The following COBL variants were observed in gnomAD, a reference collection of about 807,000 sequenced individuals.
The protein encoded by COBL is protein cordon-bleu.
Under a neutral mutation model 98.8 loss-of-function variants are expected in COBL, and 51 were observed. The observed-to-expected ratio is 0.52, with a 90% CI of 0.41 to 0.65. COBL has a LOEUF of 0.65. Among genes scored for constraint, COBL ranks in the 30% least tolerant of loss-of-function variants. The probability of loss-of-function intolerance (pLI) is 0.00; values close to 1 mark genes in which losing one functional copy is unlikely to be tolerated. For synonymous variants in COBL, 634 were observed against 651.7 expected (o/e 0.97, Z 0.41); for missense variants, 1,617 against 1,617.5 (o/e 1.00, Z 0.01).
At chr7:51,164,451 A>G (rs182298501) in intron 5 of COBL, among the ~76,000 whole-genome samples, 1 of 152,292 alleles carries the variant, frequency 6.6e-6, no homozygotes, top group East Asian at 1.9e-4. Context: ...ACAGGCCAGG[A>G]GAGAGTGACA....
At position 51,028,429 on chromosome 7, in the gene COBL, G is replaced by T. The variant is rs893615258; in HGVS notation, c.2667C>A (p.His889Gln). 11 of 1,614,126 alleles carry T rather than the reference G, an allele frequency of 6.8e-6. No homozygotes were observed. The highest frequency in any genetic ancestry group is 3.3e-4 in the Middle Eastern group (2 of 6,084). Residue 889 changes from histidine (H) to glutamine (Q), a missense_variant, in exon 10 of 13, where the codon CAC becomes CAA. Physicochemically the swap from His to Gln is conservative, Grantham distance 24 (BLOSUM62 0). Coordinates refer to ENST00000265136, the MANE Select transcript of COBL (RefSeq NM_015198.5). ...PKVHADVVRP[H>Q]GYAEKGYAGK... ...CTGCATAACCCTTCTCGGCATAACC[G>T]TGTGGCCTCACCACATCAGCATGGA... is the stretch of plus-strand genomic sequence containing the variant.
chr7:51,038,306 C>T (rs992352168), intron 8 of COBL, among the ~76,000 whole-genome samples: 1 of 152,164 alleles, frequency 6.6e-6, no homozygotes, highest in Non-Finnish European at 1.5e-5. Context: ...CGAGGCCAGT[C>T]GAACCTCTAA....
At chr7:51,075,637 TTTATGAGCTGGCA>T (rs1256356248) in intron 7 of COBL, among the ~76,000 whole-genome samples, 1 of 152,200 alleles carries the variant, frequency 6.6e-6, no homozygotes, top group African/African-American at 2.4e-5. Context: ...ACGATCTGCT[TTTATGAGCTGGCA>T]AAGTGCTGTT....
At chr7:51,079,806 G>A (rs983414387) in intron 7 of COBL, among the ~76,000 whole-genome samples, 5 of 152,204 alleles carry the variant, frequency 3.3e-5, no homozygotes, top group Admixed American at 6.5e-5. Context: ...ACATACACCC[G>A]GGGAAGGTGG....
At chr7:51,198,174 T>C (rs1291128411) in intron 2 of COBL, among the ~76,000 whole-genome samples, 2 of 152,230 alleles carry the variant, frequency 1.3e-5, no homozygotes, top group Non-Finnish European at 2.9e-5. Flanking sequence ...TAGTGCTTGC[T>C]TCAGGAGCTC....
chr7:51,310,889 C>CTCGT (rs1802962510), intron 1 of COBL, among the ~76,000 whole-genome samples: 1 of 151,978 alleles, frequency 6.6e-6, no homozygotes, highest in African/African-American at 2.4e-5. Flanking sequence ...ATCTCTTGAC[C>CTCGT]TCGTGATCAA....
chr7:51,174,050 A>G (rs1337380085), intron 5 of COBL, among the ~76,000 whole-genome samples: 1 of 152,162 alleles, frequency 6.6e-6, no homozygotes, highest in Non-Finnish European at 1.5e-5. Context: ...ACCTCTGCAG[A>G]CTGACATCAC....
At chr7:51,297,812 A>C (rs1801561440) in intron 1 of COBL, among the ~76,000 whole-genome samples, 1 of 152,052 alleles carries the variant, frequency 6.6e-6, no homozygotes, top group African/African-American at 2.4e-5. Context: ...TTTGGTTATA[A>C]AAAGTCTCCT....
chr7:51,021,327 C>A (rs1193372767), intron 12 of COBL: 1 of 152,180 alleles, frequency 6.6e-6, no homozygotes, highest in Non-Finnish European at 1.5e-5. Context: ...AAAAAAATTT[C>A]TTTTATTATT....
At chr7:51,270,142 T>C (rs1798623768) in intron 1 of COBL, among the ~76,000 whole-genome samples, 1 of 152,172 alleles carries the variant, frequency 6.6e-6, no homozygotes, top group Admixed American at 6.5e-5. Flanking sequence ...AGGAGCTGAA[T>C]CTGGACACCT....
chr7:51,111,611 C>T (rs1056193142), intron 6 of COBL, among the ~76,000 whole-genome samples: 2 of 152,208 alleles, frequency 1.3e-5, no homozygotes, highest in Non-Finnish European at 2.9e-5. Flanking sequence ...ACGACCCATC[C>T]ATCCTTCAAG....
chr7:51,126,252 TG>T (rs1319773100), intron 6 of COBL, among the ~76,000 whole-genome samples: 6 of 152,078 alleles, frequency 3.9e-5, no homozygotes, highest in Non-Finnish European at 8.8e-5. Context: ...CGCTTGAACC[TG>T]GGAGGTGGAG....
In COBL at chr7:51,028,308, G is replaced by T. The variant is rs1787784458; in HGVS notation, c.2788C>A (p.Gln930Lys). 6.2e-7 allele frequency: 1 copy of T among 1,614,102 alleles called. No homozygotes were observed. The highest frequency in any genetic ancestry group is 8.5e-7 in the Non-Finnish European group (1 of 1,180,042). Residue 930 changes from glutamine to lysine, a missense_variant, in exon 10 of 13, where the codon CAG becomes AAG. Physicochemically the swap from Gln to Lys is moderately conservative, Grantham distance 53. Around this residue, in one of 3 missense-constraint regions of COBL, gnomAD observed 1,304 missense variants for 1,282.0 expected, o/e 1.02. Transcript: ENST00000265136. Reference sequence around the variant, plus strand: ...TTGGGAGGAGTGACACAGGGCCACTGGGCACCATCCTTCCATCCTTGTGTC... The same window carrying T: ...TTGGGAGGAGTGACACAGGGCCACTTGGCACCATCCTTCCATCCTTGTGTC... Reference protein sequence around the residue: ...SETQGWKDGAQWPCVTPPNNH... With the variant: ...SETQGWKDGAKWPCVTPPNNH...
At chr7:51,064,994 G>A in intron 7 of COBL, 1 of 601,750 alleles carries the variant, frequency 1.7e-6, no homozygotes, top group Non-Finnish European at 3.0e-6. Context: ...GGACAATATG[G>A]CAAGCTTTCA....
intron 1 of COBL, among the ~76,000 whole-genome samples, chr7:51,289,568 G>A (rs1037967030): frequency 4.6e-5 from 7 of 152,212 alleles, no homozygotes; most frequent in African/African-American, 7.2e-5. Flanking sequence ...CTTACCTCCC[G>A]TCCTAGAGTG....
chr7:51,103,764 T>TAC (rs1428120630), intron 6 of COBL, among the ~76,000 whole-genome samples: 1 of 152,226 alleles, frequency 6.6e-6, no homozygotes, highest in Non-Finnish European at 1.5e-5. Context: ...CTTCACTAAC[T>TAC]AAAGTATAAA....
intron 1 of COBL, among the ~76,000 whole-genome samples, chr7:51,243,293 T>C (rs773002815): frequency 1.3e-5 from 2 of 152,170 alleles, no homozygotes; most frequent in Non-Finnish European, 2.9e-5. Flanking sequence ...GACGCTGGGG[T>C]GTGACTTCCT....
chr7:51,311,361 C>G (rs1020530264), intron 1 of COBL, among the ~76,000 whole-genome samples: 1 of 152,276 alleles, frequency 6.6e-6, no homozygotes, highest in African/African-American at 2.4e-5. Context: ...CTCAGAAGCA[C>G]AGGGATGGCC....
At chr7:51,026,732 AT>A in intron 10 of COBL, 67 bp from the exon 11 acceptor site, 1 of 1,570,170 alleles carries the variant, frequency 6.4e-7, no homozygotes, top group Non-Finnish European at 8.7e-7. Context: ...AATGCAGCTC[AT>A]GAGAAAACCC....
Sources: allele counts gnomAD v4.1 joint callset (sites outside exome capture counted in the v4.1 genomes callset), GRCh38; gene constraint gnomAD v4.1.1; regional missense constraint gnomAD v4.1.1; transcripts MANE v1.5; gene names NCBI Gene and HGNC (gene_info 2026-07-23, HGNC 2026-07-21).